The following MYH11 variants were observed in gnomAD, a reference collection of about 807,000 sequenced individuals.
MYH11 encodes myosin heavy chain 11.
Under a neutral mutation model 246.6 loss-of-function variants are expected in MYH11, and 80 were observed. The observed-to-expected ratio is 0.32, with a 90% CI of 0.27 to 0.39. The LOEUF is 0.39. Ranked by LOEUF, MYH11 falls within the 10% of genes least tolerant of loss-of-function variation. The pLI, the probability that MYH11 is intolerant of heterozygous loss-of-function variation, is 1.00. For missense variants in MYH11, 2,158 were observed against 2,546.8 expected (o/e 0.85, Z 3.29); for synonymous variants, 1,071 against 1,015.5 (o/e 1.05, Z -1.04).
At chr16:15,763,564 T>G (rs549269655) in intron 10 of MYH11, among the ~76,000 whole-genome samples, 19 of 152,180 alleles carry the variant, frequency 1.2e-4, no homozygotes, top group African/African-American at 4.6e-4. Context: ...AAAGAACAAA[T>G]AAATAAAACT....
At position 15,745,246 on chromosome 16, in the gene MYH11, G is replaced by C. The variant is rs148682361; in HGVS notation, c.2412-9C>G. On this transcript the variant is annotated splice_polypyrimidine_tract_variant and intron_variant, in intron 19 of 40. Coordinates refer to ENST00000300036, the MANE Select transcript of MYH11 (RefSeq NM_002474.3). ...GCCTCTTGGCAAAAGCCCTAGGGAGGGGGGAAGAGAAGGTGCGGGGGTCAT... is the reference window on the plus strand; with the variant it reads ...GCCTCTTGGCAAAAGCCCTAGGGAGCGGGGAAGAGAAGGTGCGGGGGTCAT... The C allele has an allele frequency of 2.8e-5, 45 of 1,610,534 alleles. No individual in the cohort carries two copies. Among genetic ancestry groups the C allele is most frequent in the Admixed American group, 2.3e-4 (14 of 59,996 alleles).
intron 4 of MYH11, among the ~76,000 whole-genome samples, chr16:15,797,023 C>T (rs1318096947): frequency 6.6e-6 from 1 of 152,168 alleles, no homozygotes; most frequent in Non-Finnish European, 1.5e-5. Flanking sequence ...AGAGCCAAGT[C>T]CATCACAGGG....
chr16:15,794,691 G>C (rs1289656066), intron 4 of MYH11, among the ~76,000 whole-genome samples: 4 of 152,248 alleles, frequency 2.6e-5, no homozygotes, highest in Non-Finnish European at 4.4e-5. Context: ...GCTGTGGATG[G>C]GGAAGCCAGG....
At chr16:15,722,847 G>A (rs147918222) in intron 31 of MYH11, among the ~76,000 whole-genome samples, 20 of 152,250 alleles carry the variant, frequency 1.3e-4, no homozygotes, top group African/African-American at 3.4e-4. Context: ...GGGTTCAAGC[G>A]ATTCTCCTGC....
intron 26 of MYH11, chr16:15,733,082 G>C: frequency 3.2e-6 from 1 of 315,308 alleles, no homozygotes; most frequent in East Asian, 7.5e-5. Context: ...CTAATCCTCA[G>C]AGCAACCCAA....
intron 10 of MYH11, among the ~76,000 whole-genome samples, chr16:15,762,633 C>T (rs1279630429): frequency 6.6e-6 from 1 of 152,100 alleles, no homozygotes; most frequent in Non-Finnish European, 1.5e-5. Flanking sequence ...CATCTCTGAC[C>T]CAACCAATCA....
intron 6 of MYH11, among the ~76,000 whole-genome samples, chr16:15,780,776 T>C (rs2151301228): frequency 6.6e-6 from 1 of 152,172 alleles, no homozygotes; most frequent in East Asian, 1.9e-4. Flanking sequence ...AGCCACTCTG[T>C]GCCTGGTCTA....
chr16:15,724,139 G>A (rs2040624781), intron 31 of MYH11, 22 bp downstream of exon 31: 1 of 1,612,054 alleles, frequency 6.2e-7, no homozygotes, highest in South Asian at 1.1e-5. Flanking sequence ...GGCCAGAGTG[G>A]GGGACACCCC....
intron 40 of MYH11, 47 bp downstream of exon 40, chr16:15,714,853 CCAGTGCTTT>C (rs2040027973): frequency 6.2e-7 from 1 of 1,606,372 alleles, no homozygotes; most frequent in Non-Finnish European, 8.5e-7. Flanking sequence ...GCCCGAGCCC[CCAGTGCTTT>C]TCTCTGGCCT....
intron 10 of MYH11, 23 bp from the exon 11 acceptor site, chr16:15,760,681 G>A (rs778489123): frequency 3.5e-5 from 51 of 1,451,860 alleles, no homozygotes; most frequent in Middle Eastern, 1.7e-4. Flanking sequence ...AAGAAACATC[G>A]TGAGTGCATC....
intron 26 of MYH11, among the ~76,000 whole-genome samples, chr16:15,734,283 G>C (rs906957733): frequency 6.7e-6 from 1 of 149,688 alleles, no homozygotes; most frequent in Non-Finnish European, 1.5e-5. Flanking sequence ...GTGTGACTAA[G>C]GGTGATTTTT....
At chr16:15,821,689 C>A (rs1043659994) in intron 3 of MYH11, among the ~76,000 whole-genome samples, 16 of 147,722 alleles carry the variant, frequency 1.1e-4, no homozygotes, top group Admixed American at 6.7e-4. Flanking sequence ...GAGGCCGAGG[C>A]GGGTGGATCA....
intron 9 of MYH11, 81 bp downstream of exon 9, chr16:15,771,488 G>C: frequency 2.5e-6 from 3 of 1,218,884 alleles, no homozygotes; most frequent in Non-Finnish European, 3.5e-6. Flanking sequence ...GCAGAAATCT[G>C]TCCTGACCAG....
chr16:15,740,012 G>C, intron 23 of MYH11, 39 bp downstream of exon 23: 1 of 1,610,788 alleles, frequency 6.2e-7, no homozygotes, highest in Non-Finnish European at 8.5e-7. Context: ...AAAGTGCTCG[G>C]ATTATAGGCG....
At chr16:15,777,844 C>T (rs2042259828) in intron 7 of MYH11, among the ~76,000 whole-genome samples, 2 of 152,144 alleles carry the variant, frequency 1.3e-5, no homozygotes, top group Non-Finnish European at 2.9e-5. Context: ...CCCCATTTTA[C>T]CGAGGCAAAA....
At chr16:15,736,034 G>T (rs953963392) in intron 25 of MYH11, among the ~76,000 whole-genome samples, 1 of 152,218 alleles carries the variant, frequency 6.6e-6, no homozygotes, top group Non-Finnish European at 1.5e-5. Context: ...ATTCAGACTG[G>T]GGCTCTGCAT....
rs1491323119 is a variant in MYH11, at chr16:15,798,622, AAC to A, written c.530+36_530+37del. ...CGACTACAGATTAAAAAAAAAAAAA[AAC>A]AAAAAAAAAACAGAAGAAAAAGCAG... is the stretch of plus-strand genomic sequence containing the variant. On this transcript the variant is annotated intron_variant, in intron 4 of 40. Transcript: ENST00000300036. The A allele has an allele frequency of 0.08, 92,020 of 1,145,682 alleles. 3,963 individuals are homozygous for A. Among genetic ancestry groups the A allele is most frequent in the Middle Eastern group, 0.096 (384 of 3,998 alleles). The allele number at this position is 1,145,682 out of a possible 1,614,324, so 71.0% of individuals were successfully genotyped here. A position where few individuals can be genotyped will look rare whatever the true frequency, so the allele number is the denominator to read the frequency against.
chr16:15,772,573 C>CA lies in MYH11; in HGVS notation c.890-862dup. On this transcript the variant is annotated intron_variant, in intron 8 of 40. Coordinates refer to ENST00000300036, the MANE Select transcript of MYH11 (RefSeq NM_002474.3). Reference sequence around the variant, plus strand: ...TAGCTGCTTTTTATCTGGCAGTTACCACTATCTCTCTGTACAATAGGCTTG... The same window carrying CA: ...TAGCTGCTTTTTATCTGGCAGTTACCAACTATCTCTCTGTACAATAGGCTTG... Among the ~76,000 whole-genome samples the CA allele has an allele frequency of 2.0e-5, 3 of 152,218 alleles. No individual in the cohort carries two copies. In the South Asian group the frequency reaches 6.2e-4, roughly 32 times the overall value.
chr16:15,718,677 ACT>A (rs1215609678), intron 36 of MYH11: 5 of 594,726 alleles, frequency 8.4e-6, no homozygotes, highest in Non-Finnish European at 1.5e-5. Context: ...CTCCTCCCTG[ACT>A]CTTCCTGGCC....
Sources: gnomAD v4.1 joint callset for allele counts (sites outside exome capture counted in the v4.1 genomes callset) on GRCh38, gnomAD v4.1.1 for gene constraint, MANE v1.5 for transcripts, NCBI Gene and HGNC (gene_info 2026-07-23, HGNC 2026-07-21) for gene names.